SGMS1: variants seen among roughly 807,000 people sequenced by gnomAD.
SGMS1 encodes the protein phosphatidylcholine:ceramide cholinephosphotransferase 1.
Under a neutral mutation model 46.2 loss-of-function variants are expected in SGMS1, and 13 were observed. The ratio of observed to expected loss-of-function variants is 0.28; its 90% confidence interval spans 0.18 to 0.45. The LOEUF (loss-of-function observed/expected upper bound fraction) is 0.45, where lower values mean the gene tolerates loss of function less well. Among genes scored for constraint, SGMS1 ranks in the 20% least tolerant of loss-of-function variants. SGMS1 has a pLI of 1.00. For synonymous variants in SGMS1, 203 were observed against 187.8 expected, an observed-to-expected ratio of 1.08 and a Z score of -0.66; for missense variants, 324 against 519.9, an observed-to-expected ratio of 0.62 and a Z score of 3.66.
intron 2 of SGMS1, among the ~76,000 whole-genome samples, chr10:50,571,963 A>G (rs1838340448): frequency 6.6e-6 from 1 of 152,132 alleles, no homozygotes; most frequent in Non-Finnish European, 1.5e-5. Context: ...CACATCACCA[A>G]AGAAGGTTCT....
chr10:50,459,403 G>C (rs1837236172), intron 5 of SGMS1, among the ~76,000 whole-genome samples: 1 of 152,148 alleles, frequency 6.6e-6, no homozygotes, highest in African/African-American at 2.4e-5. Flanking sequence ...AATTCCACAA[G>C]AATAAGAATT....
At chr10:50,552,553 A>AT (rs1281056084) in intron 2 of SGMS1, among the ~76,000 whole-genome samples, 2 of 152,192 alleles carry the variant, frequency 1.3e-5, no homozygotes, top group African/African-American at 4.8e-5. Flanking sequence ...TGACAACAGA[A>AT]TTCTTTCACA....
At chr10:50,494,958 C>A (rs964697880) in intron 3 of SGMS1, among the ~76,000 whole-genome samples, 1 of 150,666 alleles carries the variant, frequency 6.6e-6, no homozygotes, top group African/African-American at 2.4e-5. Flanking sequence ...ATGGCGTGAA[C>A]CCGGGAGGCG....
rs930277385 is a variant in SGMS1, at chr10:50,623,862, C to T, written c.-839G>A. On this transcript the variant is annotated 5_prime_UTR_variant, in exon 1 of 11. Transcript: ENST00000361781. ...GGGAGAGCAGTCAGCCCAGGCCGGT[C>T]CTTCTCACTCCCGACCTGCCCGCCG... 1.0e-6 allele frequency: 1 copy of T among 986,062 alleles called. No homozygotes were observed. The allele number at this position is 986,062 out of a possible 1,614,324, so 61.1% of individuals were successfully genotyped here. A position where few individuals can be genotyped will look rare whatever the true frequency, so the allele number is the denominator to read the frequency against.
At chr10:50,530,612 G>C (rs1240219541) in intron 2 of SGMS1, among the ~76,000 whole-genome samples, 5 of 151,870 alleles carry the variant, frequency 3.3e-5, no homozygotes, top group Admixed American at 6.6e-5. Context: ...AGCCTCCCAA[G>C]TAGCTAAGAC....
intron 2 of SGMS1, among the ~76,000 whole-genome samples, chr10:50,560,476 T>C (rs1047523088): frequency 7.1e-5 from 10 of 141,754 alleles, no homozygotes; most frequent in Non-Finnish European, 1.3e-4. Flanking sequence ...AATACATATA[T>C]GTAATACATA....
At chr10:50,526,475 T>G (rs574293761) in intron 2 of SGMS1, among the ~76,000 whole-genome samples, 1 of 152,170 alleles carries the variant, frequency 6.6e-6, no homozygotes, top group African/African-American at 2.4e-5. Flanking sequence ...AGACACACAA[T>G]CTCCCTGTTT....
chr10:50,555,983 G>T (rs1838186181), intron 2 of SGMS1, among the ~76,000 whole-genome samples: 2 of 152,122 alleles, frequency 1.3e-5, no homozygotes, highest in South Asian at 4.1e-4. Flanking sequence ...TAAAAACAGG[G>T]AATATTCCAG....
chr10:50,385,126 AG>A (rs1341272839), intron 6 of SGMS1, among the ~76,000 whole-genome samples: 1 of 152,048 alleles, frequency 6.6e-6, no homozygotes, highest in Non-Finnish European at 1.5e-5. Context: ...GATTAAATTG[AG>A]GTTATGCATT....
At chr10:50,623,599 G>C (rs1838879158) in intron 1 of SGMS1, 108 bp downstream of exon 1, 1 of 985,256 alleles carries the variant, frequency 1.0e-6, no homozygotes, top group Non-Finnish European at 1.2e-6. Context: ...CCTCGCCCCA[G>C]AGCAGCCCGC....
chr10:50,422,784 A>T (rs1849273220), intron 6 of SGMS1, among the ~76,000 whole-genome samples: 1 of 152,192 alleles, frequency 6.6e-6, no homozygotes, highest in East Asian at 1.9e-4. Context: ...ATTATATGGC[A>T]TTTGCATTAT....
intron 2 of SGMS1, among the ~76,000 whole-genome samples, chr10:50,547,758 A>C (rs1838113798): frequency 6.6e-6 from 1 of 152,222 alleles, no homozygotes; most frequent in Non-Finnish European, 1.5e-5. Context: ...CCTTCAGGCC[A>C]AAATCCTTGA....
intron 6 of SGMS1, among the ~76,000 whole-genome samples, chr10:50,402,166 G>T (rs58882544): frequency 6.6e-6 from 1 of 152,146 alleles, no homozygotes; most frequent in East Asian, 1.9e-4. Flanking sequence ...GCATCAGTCC[G>T]CATTGAAATG....
chr10:50,418,629 G>C (rs994528771), intron 6 of SGMS1, among the ~76,000 whole-genome samples: 4 of 152,194 alleles, frequency 2.6e-5, no homozygotes, highest in African/African-American at 9.7e-5. Flanking sequence ...GAAAAGGGTA[G>C]GTTGCCTTTG....
intron 8 of SGMS1, among the ~76,000 whole-genome samples, chr10:50,316,671 C>G (rs1466212546): frequency 6.6e-6 from 1 of 152,178 alleles, no homozygotes; most frequent in Admixed American, 6.5e-5. Flanking sequence ...CAGTCTTCCT[C>G]CAGAATAGAA....
At chr10:50,620,892 A>G (rs538964343) in intron 1 of SGMS1, among the ~76,000 whole-genome samples, 3 of 152,310 alleles carry the variant, frequency 2.0e-5, no homozygotes, top group African/African-American at 7.2e-5. Context: ...AAAAATAATA[A>G]TAATAATACT....
At chr10:50,452,449 T>C (rs1216453898) in intron 5 of SGMS1, among the ~76,000 whole-genome samples, 1 of 152,174 alleles carries the variant, frequency 6.6e-6, no homozygotes, top group East Asian at 1.9e-4. Context: ...AATAGGTCTA[T>C]TTTTGAAGAA....
intron 6 of SGMS1, among the ~76,000 whole-genome samples, chr10:50,429,705 A>G (rs899038340): frequency 4.9e-4 from 4 of 8,226 alleles, no homozygotes; most frequent in African/African-American, 1.5e-3. Flanking sequence ...ACACACACAC[A>G]CACACACACA....
chr10:50,615,788 C>G (rs1838791015), intron 1 of SGMS1, among the ~76,000 whole-genome samples: 1 of 152,176 alleles, frequency 6.6e-6, no homozygotes, highest in African/African-American at 2.4e-5. Flanking sequence ...CCACCCAAGC[C>G]AAATCAAAAC....
Sources: allele counts gnomAD v4.1 joint callset (sites outside exome capture counted in the v4.1 genomes callset), GRCh38; gene constraint gnomAD v4.1.1; transcripts MANE v1.5; gene names NCBI Gene and HGNC (gene_info 2026-07-23, HGNC 2026-07-21).